Variants in NLRC5 observed in about 807,000 individuals in gnomAD.
NLRC5 encodes the protein protein NLRC5.
NLRC5 carries 114 observed loss-of-function variants against 206.9 expected under a neutral mutation model. The observed-to-expected ratio is 0.55, with a 90% CI of 0.47 to 0.64. The LOEUF is 0.64. NLRC5 is among the 30% of genes least tolerant of loss of function. The pLI is 0.00. For synonymous variants in NLRC5, 952 were observed against 962.8 expected, an observed-to-expected ratio of 0.99 and a Z score of 0.21; for missense variants, 2,008 against 2,305.5, an observed-to-expected ratio of 0.87 and a Z score of 2.64.
At position 57,082,397 on chromosome 16, in the gene NLRC5, C is replaced by T; in HGVS notation, c.5490-20C>T. ...GCAAAGATGGGAGGATGAATGAGTG[C>T]CTATATCTGTGCCCCACAGCCTCTG... On this transcript the variant is annotated intron_variant, in intron 48 of 48. Coordinates refer to ENST00000688547, the MANE Select transcript of NLRC5 (RefSeq NM_001384950.1). The T allele has an allele frequency of 6.4e-7, 1 of 1,570,688 alleles. No individual in the cohort carries two copies. Among genetic ancestry groups the T allele is most frequent in the Non-Finnish European group, 8.7e-7 (1 of 1,143,794 alleles).
At chr16:57,049,724 A>C (rs2064580963) in intron 23 of NLRC5, among the ~76,000 whole-genome samples, 1 of 148,754 alleles carries the variant, frequency 6.7e-6, no homozygotes, top group Admixed American at 6.8e-5. Context: ...ACAGAGCAAG[A>C]CTCTGTCTCA....
Position 57,037,296 on chromosome 16 carries a change from C to G in NLRC5, c.2801+12C>G, listed in dbSNP as rs201968385. The G allele has an allele frequency of 2.0e-5, 32 of 1,606,122 alleles. No homozygotes were observed. Among genetic ancestry groups the G allele is most frequent in the Non-Finnish European group, 2.6e-5 (31 of 1,177,138 alleles). On this transcript the variant is annotated intron_variant, in intron 15 of 48. Transcript: ENST00000688547. Reference sequence around the variant, plus strand: ...GAGCTGCACATCAGGTGGGAGCTCCCTCAGACCACGGTACCCATCCCCCCC... The same window carrying G: ...GAGCTGCACATCAGGTGGGAGCTCCGTCAGACCACGGTACCCATCCCCCCC...
At chr16:57,001,088 G>A (rs2058186364) in intron 1 of NLRC5, among the ~76,000 whole-genome samples, 1 of 152,200 alleles carries the variant, frequency 6.6e-6, no homozygotes, top group Non-Finnish European at 1.5e-5. Flanking sequence ...CCATTCCCGG[G>A]GGGAAGGCAG....
At chr16:57,029,314 G>C (rs1244223790) in intron 8 of NLRC5, among the ~76,000 whole-genome samples, 1 of 152,216 alleles carries the variant, frequency 6.6e-6, no homozygotes, top group African/African-American at 2.4e-5. Flanking sequence ...TTGTGAACAG[G>C]TGGGGAAAGT....
At position 57,070,545 on chromosome 16, in the gene NLRC5, AATCAATTTG is replaced by A. The variant is rs754130856; in HGVS notation, c.4597_4605del (p.Gln1533_Asp1535del). 6.9e-5 allele frequency: 112 copies of A among 1,613,898 alleles called. No homozygotes were observed. Among genetic ancestry groups the A allele is most frequent in the Non-Finnish European group, 9.3e-5 (110 of 1,179,986 alleles). On this transcript the variant is annotated inframe_deletion, in exon 38 of 49. Transcript: ENST00000688547. ...CCTGGTCTTCTGCAGCTTGTCTAACAATCAATTTGATGAGGAGGGCACCAAGGCGCTGAT... is the reference window on the plus strand; with the variant it reads ...CCTGGTCTTCTGCAGCTTGTCTAACAATGAGGAGGGCACCAAGGCGCTGAT...
chr16:56,999,132 T>A (rs2057967140), intron 1 of NLRC5, among the ~76,000 whole-genome samples: 1 of 152,222 alleles, frequency 6.6e-6, no homozygotes, highest in Admixed American at 6.5e-5. Context: ...CTTGGGTCTC[T>A]TTTATAAGGG....
chr16:57,081,720 A>G lies in NLRC5; in HGVS notation c.5489+110A>G, dbSNP rs955256345. 7 of 923,412 alleles carry G rather than the reference A, an allele frequency of 7.6e-6. No homozygotes were observed. The African/African-American group carries it at 1.2e-4, about 15-fold the overall frequency. The allele number at this position is 923,412 out of a possible 1,614,324, so 57.2% of individuals were successfully genotyped here. On this transcript the variant is annotated intron_variant, in intron 48 of 48. Transcript: ENST00000688547. ...CAGGGCCTGGGCTGGGGATTATCAA[A>G]GGAGACTTGGACCACTCCACCAAGA...
chr16:57,034,294 G>A (rs2062237379), intron 13 of NLRC5, 43 bp downstream of exon 13: 1 of 1,538,040 alleles, frequency 6.5e-7, no homozygotes, highest in East Asian at 2.3e-5. Flanking sequence ...CAGGAAAGGA[G>A]GTTGGAGAGG....
At chr16:57,050,941 C>T (rs2064814266) in intron 23 of NLRC5, among the ~76,000 whole-genome samples, 1 of 152,176 alleles carries the variant, frequency 6.6e-6, no homozygotes, top group Admixed American at 6.5e-5. Context: ...CAACCTCTGC[C>T]TCCCAGGTTC....
chr16:57,082,667 G>A lies in NLRC5; in HGVS notation c.*139G>A. On this transcript the variant is annotated 3_prime_UTR_variant, in exon 49 of 49. Transcript: ENST00000688547. ...TCCACCCAGGAGGAAGGATACGTGTGTCCTGCTGCAGTCCTCAGGGAGAAC... is the reference window on the plus strand; with the variant it reads ...TCCACCCAGGAGGAAGGATACGTGTATCCTGCTGCAGTCCTCAGGGAGAAC... The A allele has an allele frequency of 1.6e-6, 1 of 623,128 alleles. No individual in the cohort carries two copies. Among genetic ancestry groups the A allele is most frequent in the Admixed American group, 3.0e-5 (1 of 33,204 alleles). The allele number at this position is 623,128 out of a possible 1,614,324, so 38.6% of individuals were successfully genotyped here. A position where few individuals can be genotyped will look rare whatever the true frequency, so the allele number is the denominator to read the frequency against.
chr16:57,045,350 C>A, intron 20 of NLRC5, 98 bp from the exon 21 acceptor site: 2 of 1,171,892 alleles, frequency 1.7e-6, no homozygotes, highest in East Asian at 2.4e-5. Flanking sequence ...AGCAGGCCAC[C>A]CCAGGCCCTC....
intron 15 of NLRC5, among the ~76,000 whole-genome samples, chr16:57,039,519 G>A (rs1029000847): frequency 2.6e-5 from 4 of 151,946 alleles, no homozygotes; most frequent in African/African-American, 4.8e-5. Flanking sequence ...CCAGAAGTTC[G>A]AGACCAGAGT....
At chr16:57,053,265 G>C (rs2065168166) in intron 24 of NLRC5, among the ~76,000 whole-genome samples, 2 of 152,176 alleles carry the variant, frequency 1.3e-5, no homozygotes, top group African/African-American at 4.8e-5. Flanking sequence ...GGAAGAGAGA[G>C]AGCTCGCCTT....
chr16:57,002,653 T>G lies in NLRC5; in HGVS notation c.-128+13036T>G, dbSNP rs1477516838. Reference sequence around the variant, plus strand: ...TAGTTTAGTTTTTTTTTGTTTTTTTTTTTTTTTTGAGACAGAGTCTCACTC... The same window carrying G: ...TAGTTTAGTTTTTTTTTGTTTTTTTGTTTTTTTTGAGACAGAGTCTCACTC... On this transcript the variant is annotated intron_variant, in intron 1 of 48. Coordinates refer to ENST00000688547, the MANE Select transcript of NLRC5 (RefSeq NM_001384950.1). Among the ~76,000 whole-genome samples the G allele has an allele frequency of 6.8e-5, 10 of 147,054 alleles. No homozygotes were observed. In the South Asian group the frequency reaches 1.7e-3, roughly 26 times the overall value.
chr16:57,025,811 A>C lies in NLRC5; in HGVS notation c.868A>C (p.Thr290Pro). 6.2e-7 allele frequency: 1 copy of C among 1,614,196 alleles called. No individual in the cohort carries two copies. The change falls in exon 6 of 49, where the codon ACT (threonine) becomes CCT (proline). Residue 290 changes from threonine (T) to proline (P), a missense_variant. Transcript: ENST00000688547. ...LYLSPESDHD[T>P]VFQYLEKNAD... ...CCTGAGCCCTGAATCGGACCACGAC[A>C]CTGTCTTCCAGTACCTGGAGAAGAA... is the stretch of plus-strand genomic sequence containing the variant.
chr16:57,000,780 G>A (rs1282395406), intron 1 of NLRC5, among the ~76,000 whole-genome samples: 10 of 152,122 alleles, frequency 6.6e-5, no homozygotes, highest in Admixed American at 2.6e-4. Flanking sequence ...TCTCTTGCTT[G>A]CCCTGCCAGC....
Position 57,058,301 on chromosome 16 carries a change from C to G in NLRC5, c.3830+153C>G. The G allele has an allele frequency of 4.7e-6, 3 of 641,778 alleles. No individual in the cohort carries two copies. In the South Asian group the frequency reaches 5.5e-5, roughly 12 times the overall value. 39.8% of individuals were successfully genotyped at this position (641,778 alleles called of 1,614,324 possible). A position where few individuals can be genotyped will look rare whatever the true frequency, so the allele number is the denominator to read the frequency against. On this transcript the variant is annotated intron_variant, in intron 28 of 48. Coordinates refer to ENST00000688547, the MANE Select transcript of NLRC5 (RefSeq NM_001384950.1). ...GGCAATTCTTCCCTTGCCTTCACTCCCCTGGCCTTGGGTCCTTTCCTCTGT... is the reference window on the plus strand; with the variant it reads ...GGCAATTCTTCCCTTGCCTTCACTCGCCTGGCCTTGGGTCCTTTCCTCTGT...
rs768245751 is a variant in NLRC5, at chr16:57,051,547, T to G, written c.3432T>G (p.Cys1144Trp). The change falls in exon 24 of 49, where the codon TGT becomes TGG. Residue 1144 changes from cysteine to tryptophan, a missense_variant. Physicochemically the swap from Cys to Trp is radical, Grantham distance 215. Coordinates refer to ENST00000688547, the MANE Select transcript of NLRC5 (RefSeq NM_001384950.1). The part of the protein sequence containing the change: ...CPGPLELQLS[C>W]EFLSDQSLET... ...CTGCTTTGTTTCACAGATTGTCCTG[T>G]GAGTTCCTGAGTGACCAGAGCCTGG... The G allele has an allele frequency of 1.8e-4, 290 of 1,611,954 alleles. No individual in the cohort carries two copies. Among genetic ancestry groups the G allele is most frequent in the Non-Finnish European group, 2.3e-4 (274 of 1,178,100 alleles).
chr16:57,009,485 C>T lies in NLRC5; in HGVS notation c.-127-7589C>T, dbSNP rs558446760. ...GCGTGTGCCTGTGGTCCCAGCTACT[C>T]GGGAGGCTGAGGAAAGAGAATGGCG... On this transcript the variant is annotated intron_variant, in intron 1 of 48. Coordinates refer to ENST00000688547, the MANE Select transcript of NLRC5 (RefSeq NM_001384950.1). Among the ~76,000 whole-genome samples the T allele has an allele frequency of 4.7e-5, 7 of 149,104 alleles. No individual in the cohort carries two copies. In the East Asian group the frequency reaches 8.0e-4, roughly 17 times the overall value.
Sources: gnomAD v4.1 joint callset for allele counts (sites outside exome capture counted in the v4.1 genomes callset) on GRCh38, gnomAD v4.1.1 for gene constraint, MANE v1.5 for transcripts, NCBI Gene and HGNC (gene_info 2026-07-23, HGNC 2026-07-21) for gene names.